Variants in LRP2 observed in about 807,000 individuals in gnomAD.
LRP2 encodes low-density lipoprotein receptor-related protein 2.
LRP2 carries 172 observed loss-of-function variants against 531.0 expected under a neutral mutation model. That is an observed-to-expected ratio of 0.32 (90% CI 0.29 to 0.37). The LOEUF is 0.37. LRP2 is among the 10% of genes least tolerant of loss of function. LRP2 has a pLI of 1.00. For missense variants in LRP2, 5,167 were observed against 5,868.3 expected (o/e 0.88, Z 3.90); for synonymous variants, 1,992 against 2,027.6 (o/e 0.98, Z 0.47).
chr2:169,288,878 G>T (rs558035261), intron 9 of LRP2, 148 bp downstream of exon 9: 107 of 1,233,128 alleles, frequency 8.7e-5, no homozygotes, highest in Non-Finnish European at 1.2e-4. Context: ...TTCCCTATTT[G>T]CCAGGTTTTC....
chr2:169,317,866 C>T (rs1387476552), intron 3 of LRP2, among the ~76,000 whole-genome samples: 1 of 152,062 alleles, frequency 6.6e-6, no homozygotes. Flanking sequence ...TCACTTTAGC[C>T]CAGGATTCCA....
chr2:169,206,626 G>T lies in LRP2; in HGVS notation c.7094C>A (p.Thr2365Asn), dbSNP rs562871347. 3.7e-6 allele frequency: 6 copies of T among 1,614,138 alleles called. No homozygotes were observed. Among genetic ancestry groups the T allele is most frequent in the African/African-American group, 1.3e-5 (1 of 75,028 alleles). The change falls in exon 39 of 79, where the codon ACC (threonine) becomes AAC (asparagine). Residue 2365 changes from threonine to asparagine, a missense_variant. Around this residue, in one of 6 missense-constraint regions of LRP2, gnomAD observed 2,811 missense variants for 3,058.0 expected, o/e 0.92. Transcript: ENST00000649046. ...CCCAAAGGCACAGTCACATTTTGGG[G>T]TGTGCAATCCAGGCAGAGCAAAGCA... is the stretch of plus-strand genomic sequence containing the variant. ...HLCFALPGLH[T>N]PKCDCAFGTL...
In LRP2 at chr2:169,209,658, G is replaced by T. The variant is rs1331743842; in HGVS notation, c.6281-17C>A. On this transcript the variant is annotated splice_polypyrimidine_tract_variant and intron_variant, in intron 37 of 78. Coordinates refer to ENST00000649046, the MANE Select transcript of LRP2 (RefSeq NM_004525.3). ...CGTTTCGTCCTGGAAGTTAAGAAAA[G>T]ATCATTAAAAAATGCTGTCACTGAA... 6.2e-7 allele frequency: 1 copy of T among 1,612,626 alleles called. No homozygotes were observed. The highest frequency in any genetic ancestry group is 1.1e-5 in the South Asian group (1 of 90,998).
intron 31 of LRP2, among the ~76,000 whole-genome samples, chr2:169,229,697 CT>C (rs1338003445): frequency 6.6e-6 from 1 of 152,182 alleles, no homozygotes; most frequent in African/African-American, 2.4e-5. Context: ...CATAATTCCC[CT>C]ATCCAACTGT....
At chr2:169,134,670 A>T (rs1402305714) in intron 76 of LRP2, among the ~76,000 whole-genome samples, 1 of 152,054 alleles carries the variant, frequency 6.6e-6, no homozygotes. Flanking sequence ...CTTAAGTCAA[A>T]CCCTCACTCT....
intron 76 of LRP2, among the ~76,000 whole-genome samples, chr2:169,135,668 T>C (rs1295089260): frequency 6.6e-6 from 1 of 152,156 alleles, no homozygotes; most frequent in Non-Finnish European, 1.5e-5. Context: ...TGGACAATAC[T>C]TTTACCACTT....
At chr2:169,291,466 T>C (rs1423475525) in intron 7 of LRP2, among the ~76,000 whole-genome samples, 4 of 152,180 alleles carry the variant, frequency 2.6e-5, no homozygotes, top group Non-Finnish European at 5.9e-5. Flanking sequence ...TTCTGGAACA[T>C]AAAAACATAA....
Position 169,154,529 on chromosome 2 carries a change from C to G in LRP2, c.12226G>C (p.Glu4076Gln), listed in dbSNP as rs1199416997. 2 of 1,612,596 alleles carry G rather than the reference C, an allele frequency of 1.2e-6. No homozygotes were observed. The highest frequency in any genetic ancestry group is 1.7e-6 in the Non-Finnish European group (2 of 1,178,838). Residue 4076 changes from glutamate to glutamine, a missense_variant, in exon 66 of 79, where the codon GAG (glutamate) becomes CAG (glutamine). By Grantham distance (29) the Glu-to-Gln change is conservative (BLOSUM62 2). This residue lies in a region of LRP2 where 564 missense variants were observed against 747.7 expected (regional missense o/e 0.75). Coordinates refer to ENST00000649046, the MANE Select transcript of LRP2 (RefSeq NM_004525.3). Reference sequence around the variant, plus strand: ...ATATATTCCTCATCTTGAAGATACTCTGAGAACCTCTCAGATGAGAGATTA... The same window carrying G: ...ATATATTCCTCATCTTGAAGATACTGTGAGAACCTCTCAGATGAGAGATTA... ...KYNLSSERFSEYLQDEEYIQA... is the reference protein window; with the variant it reads ...KYNLSSERFSQYLQDEEYIQA...
chr2:169,310,917 G>C (rs1283335039), intron 3 of LRP2, among the ~76,000 whole-genome samples: 2 of 152,028 alleles, frequency 1.3e-5, no homozygotes, highest in Non-Finnish European at 2.9e-5. Flanking sequence ...ACTTCTTCCT[G>C]GTTTAGTCTT....
chr2:169,189,855 G>A lies in LRP2; in HGVS notation c.9033-1590C>T, dbSNP rs554970242. ...TTTCAAGGAAATTCAGAAAGCTCAA[G>A]GAAAAAAAGAAAGAGAGAGAGAAAG... On this transcript the variant is annotated intron_variant, in intron 48 of 78. Coordinates refer to ENST00000649046, the MANE Select transcript of LRP2 (RefSeq NM_004525.3). 1.6e-3 allele frequency among the ~76,000 whole-genome samples: 239 copies of A among 149,750 alleles called. 1 individual carries two copies. The highest frequency in any genetic ancestry group is 5.4e-3 in the African/African-American group (222 of 40,846).
intron 16 of LRP2, among the ~76,000 whole-genome samples, chr2:169,268,497 A>G (rs1683299388): frequency 6.6e-6 from 1 of 152,228 alleles, no homozygotes; most frequent in Non-Finnish European, 1.5e-5. Flanking sequence ...ACAGAACCAA[A>G]GACAAAAACC....
In LRP2 at chr2:169,177,879, T is replaced by G. The variant is rs1466159040; in HGVS notation, c.10317A>C (p.Ser3439=). Residue 3439 remains serine, a synonymous_variant, in exon 53 of 79, where the codon TCA becomes TCC. Coordinates refer to ENST00000649046, the MANE Select transcript of LRP2 (RefSeq NM_004525.3). Reference sequence around the variant, plus strand: ...TTGTGTTCACCAGTGTCTGTCTATTTGATCCATCATATTTGTTTCCCTTTT... The same window carrying G: ...TTGTGTTCACCAGTGTCTGTCTATTGGATCCATCATATTTGTTTCCCTTTT... The part of the protein sequence containing the change: ...TVEKGNKYDG[S]NRQTLVNTTH... The G allele has an allele frequency of 1.6e-5, 26 of 1,614,146 alleles. No homozygotes were observed. Among genetic ancestry groups the G allele is most frequent in the Non-Finnish European group, 2.1e-5 (25 of 1,180,054 alleles).
chr2:169,315,948 C>A (rs1170458673), intron 3 of LRP2, among the ~76,000 whole-genome samples: 1 of 121,782 alleles, frequency 8.2e-6, no homozygotes, highest in Non-Finnish European at 1.7e-5. Context: ...CATGGGAAAA[C>A]CCCATCTCTA....
intron 1 of LRP2, among the ~76,000 whole-genome samples, chr2:169,348,174 C>T (rs570974464): frequency 5.3e-5 from 8 of 152,190 alleles, no homozygotes; most frequent in Non-Finnish European, 1.2e-4. Flanking sequence ...AGGCCAATGC[C>T]TGGTATAGAA....
intron 29 of LRP2, among the ~76,000 whole-genome samples, chr2:169,234,286 C>T (rs1689521766): frequency 6.6e-6 from 1 of 152,088 alleles, no homozygotes; most frequent in African/African-American, 2.4e-5. Flanking sequence ...TCCTAATGCT[C>T]TCCCTCCCCT....
At chr2:169,289,730 C>G (rs188687607) in intron 8 of LRP2, among the ~76,000 whole-genome samples, 5 of 151,950 alleles carry the variant, frequency 3.3e-5, no homozygotes, top group African/African-American at 9.7e-5. Context: ...AAGAATAAGC[C>G]CTAGAAATAT....
chr2:169,349,972 A>C (rs931832947), intron 1 of LRP2, among the ~76,000 whole-genome samples: 2 of 152,246 alleles, frequency 1.3e-5, no homozygotes, highest in African/African-American at 4.8e-5. Flanking sequence ...GTTCTAAAAA[A>C]GTTGCTACAG....
In LRP2 at chr2:169,362,471, C is replaced by G; in HGVS notation, c.-72G>C. On this transcript the variant is annotated 5_prime_UTR_variant, in exon 1 of 79. Coordinates refer to ENST00000649046, the MANE Select transcript of LRP2 (RefSeq NM_004525.3). Reference sequence around the variant, plus strand: ...CGCGCGTAGCACACCGCACCGGCAGCGCCTCTGCTAGCGAACGCTCCTTTA... The same window carrying G: ...CGCGCGTAGCACACCGCACCGGCAGGGCCTCTGCTAGCGAACGCTCCTTTA... The G allele has an allele frequency of 7.5e-7, 1 of 1,334,240 alleles. No homozygotes were observed. Among genetic ancestry groups the G allele is most frequent in the Non-Finnish European group, 1.0e-6 (1 of 960,668 alleles). 82.7% of individuals were successfully genotyped at this position (1,334,240 alleles called of 1,614,324 possible).
intron 10 of LRP2, 105 bp downstream of exon 10, chr2:169,282,768 G>T (rs1683740908): frequency 7.7e-7 from 1 of 1,293,596 alleles, no homozygotes; most frequent in Non-Finnish European, 1.1e-6. Context: ...ATAAAGCCCT[G>T]CCAACAACAA....
Sources: allele counts gnomAD v4.1 joint callset (sites outside exome capture counted in the v4.1 genomes callset), GRCh38; gene constraint gnomAD v4.1.1; regional missense constraint gnomAD v4.1.1; transcripts MANE v1.5; gene names NCBI Gene and HGNC (gene_info 2026-07-23, HGNC 2026-07-21).